Variants in DCC observed in about 807,000 individuals in gnomAD.
The protein encoded by DCC is netrin receptor DCC.
Under a neutral mutation model 172.5 loss-of-function variants are expected in DCC, and 58 were observed. The ratio of observed to expected loss-of-function variants is 0.34; its 90% CI spans 0.27 to 0.42. The LOEUF is 0.42. DCC is among the 10% of genes least tolerant of loss of function. The probability of loss-of-function intolerance (pLI) is 1.00; values close to 1 mark genes in which losing one functional copy is unlikely to be tolerated. For synonymous variants in DCC, 709 were observed against 644.5 expected (o/e 1.10, Z -1.52); for missense variants, 1,740 against 1,791.0 (o/e 0.97, Z 0.51).
intron 17 of DCC, among the ~76,000 whole-genome samples, chr18:53,396,502 C>A (rs567683928): frequency 6.6e-6 from 1 of 152,182 alleles, no homozygotes; most frequent in Non-Finnish European, 1.5e-5. Context: ...ACTTTAAACA[C>A]CAATGTAATC....
chr18:52,614,139 C>T (rs1222321024), intron 1 of DCC, among the ~76,000 whole-genome samples: 1 of 152,146 alleles, frequency 6.6e-6, no homozygotes, highest in African/African-American at 2.4e-5. Flanking sequence ...CTGTCGCTGC[C>T]AAAGTCCCTG....
intron 5 of DCC, among the ~76,000 whole-genome samples, chr18:53,021,995 A>T (rs867810639): frequency 8.5e-5 from 13 of 152,204 alleles, no homozygotes; most frequent in African/African-American, 3.1e-4. Context: ...TGCAATTAAA[A>T]TGTTGGGAAA....
At chr18:52,370,336 A>G (rs566333387) in intron 1 of DCC, among the ~76,000 whole-genome samples, 1 of 152,248 alleles carries the variant, frequency 6.6e-6, no homozygotes, top group Non-Finnish European at 1.5e-5. Context: ...CCAAATGTCC[A>G]TCAATAATAG....
chr18:53,459,357 C>T lies in DCC; in HGVS notation c.3518C>T (p.Pro1173Leu), dbSNP rs1568145401. The change falls in exon 24 of 29, where the codon CCT (proline) becomes CTT (leucine). Residue 1173 changes from proline (P) to leucine (L), a missense_variant. Transcript: ENST00000442544. ...ATTGAAAAGCCATCTGGCACTGACCCTGCAGGAAGGGACTCTCCCATCCAA... is the reference window on the plus strand; with the variant it reads ...ATTGAAAAGCCATCTGGCACTGACCTTGCAGGAAGGGACTCTCCCATCCAA... ...KNIEKPSGTD[P>L]AGRDSPIQSC... is the part of the protein sequence containing the mutation. 6.2e-7 allele frequency: 1 copy of T among 1,613,968 alleles called. No individual in the cohort carries two copies. The highest frequency in any genetic ancestry group is 2.2e-5 in the East Asian group (1 of 44,864).
intron 1 of DCC, among the ~76,000 whole-genome samples, chr18:52,690,578 AT>A (rs2035915605): frequency 6.6e-6 from 1 of 152,162 alleles, no homozygotes; most frequent in African/African-American, 2.4e-5. Context: ...GTATTTCCAT[AT>A]ACATTAATTC....
At chr18:52,969,560 A>G (rs1292469122) in intron 5 of DCC, among the ~76,000 whole-genome samples, 2 of 125,520 alleles carry the variant, frequency 1.6e-5, no homozygotes, top group East Asian at 2.2e-4. Context: ...CTCTAATGCA[A>G]TTTCCTTATT....
At chr18:52,846,204 C>T (rs1416684806) in intron 2 of DCC, among the ~76,000 whole-genome samples, 1 of 152,092 alleles carries the variant, frequency 6.6e-6, no homozygotes, top group Non-Finnish European at 1.5e-5. Context: ...GGCTACAGTA[C>T]TATGAAAGGG....
intron 1 of DCC, among the ~76,000 whole-genome samples, chr18:52,547,650 G>GA (rs2032654489): frequency 6.6e-6 from 1 of 152,020 alleles, no homozygotes; most frequent in Non-Finnish European, 1.5e-5. Flanking sequence ...GCTTTATAGG[G>GA]AAAATGAAAG....
intron 7 of DCC, among the ~76,000 whole-genome samples, chr18:53,152,212 G>T (rs1001433725): frequency 6.6e-6 from 1 of 152,102 alleles, no homozygotes; most frequent in African/African-American, 2.4e-5. Context: ...CAAGGAAATA[G>T]GTCTATTGGC....
chr18:52,687,067 A>G (rs1398541997), intron 1 of DCC, among the ~76,000 whole-genome samples: 1 of 152,058 alleles, frequency 6.6e-6, no homozygotes, highest in Non-Finnish European at 1.5e-5. Flanking sequence ...TAATCTAGCC[A>G]CTTACTGGGA....
At chr18:53,385,887 C>T (rs1377570479) in intron 15 of DCC, among the ~76,000 whole-genome samples, 156 bp from the exon 16 acceptor site, 3 of 152,196 alleles carry the variant, frequency 2.0e-5, no homozygotes, top group Non-Finnish European at 4.4e-5. Context: ...ACTGCTACCA[C>T]CCACTGCCAC....
chr18:53,378,134 C>G (rs1446016483), intron 15 of DCC, among the ~76,000 whole-genome samples: 4 of 151,824 alleles, frequency 2.6e-5, no homozygotes, highest in African/African-American at 7.3e-5. Flanking sequence ...GCTAATTTTT[C>G]TATTTTTATT....
chr18:53,241,600 G>A (rs1199335364), intron 12 of DCC, among the ~76,000 whole-genome samples: 1 of 152,124 alleles, frequency 6.6e-6, no homozygotes, highest in Non-Finnish European at 1.5e-5. Flanking sequence ...TTCTGCTTCC[G>A]CCATAAAGAG....
intron 2 of DCC, among the ~76,000 whole-genome samples, chr18:52,779,146 T>G (rs1244046798): frequency 6.6e-6 from 1 of 151,992 alleles, no homozygotes; most frequent in African/African-American, 2.4e-5. Flanking sequence ...GATGGCCCTT[T>G]GCATATCCAT....
chr18:53,239,796 A>C (rs2056260525), intron 12 of DCC, among the ~76,000 whole-genome samples: 1 of 152,118 alleles, frequency 6.6e-6, no homozygotes, highest in South Asian at 2.1e-4. Context: ...AGTATTTTAC[A>C]TGGCCTATTC....
At chr18:52,969,585 CTCTCTCTCT>C (rs2040992102) in intron 5 of DCC, among the ~76,000 whole-genome samples, 1 of 27,384 alleles carries the variant, frequency 3.7e-5, no homozygotes, top group Admixed American at 5.0e-4. Flanking sequence ...CCGCCCCCCA[CTCTCTCTCT>C]CTCTCTCTCT....
At chr18:53,187,124 T>C (rs78393331) in intron 9 of DCC, among the ~76,000 whole-genome samples, 2 of 119,402 alleles carry the variant, frequency 1.7e-5, no homozygotes, top group African/African-American at 3.6e-5. Flanking sequence ...CTCTCTTTTT[T>C]TTTTCTTTTT....
At chr18:53,145,276 G>A (rs969619638) in intron 7 of DCC, among the ~76,000 whole-genome samples, 1 of 151,902 alleles carries the variant, frequency 6.6e-6, no homozygotes, top group South Asian at 2.1e-4. Flanking sequence ...ACCACGCCCC[G>A]CTAATTGTTT....
chr18:52,419,045 G>C (rs893823518), intron 1 of DCC: 1 of 152,004 alleles, frequency 6.6e-6, no homozygotes, highest in Admixed American at 6.6e-5. Flanking sequence ...ATTTTTAGTA[G>C]AGACGGGGTT....
Sources: allele counts gnomAD v4.1 joint callset (sites outside exome capture counted in the v4.1 genomes callset), GRCh38; gene constraint gnomAD v4.1.1; transcripts MANE v1.5; gene names NCBI Gene and HGNC (gene_info 2026-07-23, HGNC 2026-07-21).